The following CDH13 variants were observed in gnomAD, a reference collection of about 807,000 sequenced individuals.
CDH13 encodes cadherin 13.
Under a neutral mutation model 63.8 loss-of-function variants are expected in CDH13, and 24 were observed. The ratio of observed to expected loss-of-function variants is 0.38; its 90% CI spans 0.27 to 0.53. The LOEUF is 0.53. Among genes scored for constraint, CDH13 ranks in the 20% least tolerant of loss-of-function variants. CDH13 has a pLI of 0.85. For missense variants in CDH13, 1,049 were observed against 903.1 expected, an observed-to-expected ratio of 1.16 and a Z score of -2.07; for synonymous variants, 503 against 355.3, an observed-to-expected ratio of 1.42 and a Z score of -4.67.
At chr16:83,713,876 C>A (rs1328502751) in intron 10 of CDH13, among the ~76,000 whole-genome samples, 1 of 152,310 alleles carries the variant, frequency 6.6e-6, no homozygotes, top group South Asian at 2.1e-4. Flanking sequence ...TCCTCATTGT[C>A]AACATTACTC....
intron 4 of CDH13, among the ~76,000 whole-genome samples, chr16:83,146,954 G>A (rs1244628426): frequency 6.6e-6 from 1 of 152,036 alleles, no homozygotes; most frequent in Non-Finnish European, 1.5e-5. Context: ...CTGGTGTGGT[G>A]GCACACACTT....
chr16:83,196,900 A>G (rs2038894077), intron 4 of CDH13, among the ~76,000 whole-genome samples: 1 of 152,204 alleles, frequency 6.6e-6, no homozygotes, highest in South Asian at 2.1e-4. Flanking sequence ...ATAAAACTAG[A>G]CACGCACTTA....
intron 5 of CDH13, among the ~76,000 whole-genome samples, chr16:83,280,416 A>G (rs1228772048): frequency 2.0e-5 from 3 of 152,212 alleles, no homozygotes; most frequent in African/African-American, 7.2e-5. Flanking sequence ...ATTCATTCAC[A>G]TCTTCAAGCC....
intron 6 of CDH13, among the ~76,000 whole-genome samples, chr16:83,391,823 G>A (rs567983998): frequency 1.3e-5 from 2 of 152,306 alleles, no homozygotes; most frequent in Admixed American, 1.3e-4. Context: ...TTGACACAGG[G>A]TCTGCATTGT....
chr16:83,202,418 G>T (rs960575091), intron 4 of CDH13, among the ~76,000 whole-genome samples: 1 of 152,088 alleles, frequency 6.6e-6, no homozygotes, highest in Non-Finnish European at 1.5e-5. Context: ...ATGGGGTGGG[G>T]GGCCCTGGAA....
chr16:82,700,974 C>CCCCCCG (rs1491560033), intron 1 of CDH13, among the ~76,000 whole-genome samples: 2 of 39,656 alleles, frequency 5.0e-5, no homozygotes, highest in Non-Finnish European at 1.4e-4. Context: ...CCCCCCCCCC[C>CCCCCCG]GCCCCGGGCA....
intron 1 of CDH13, among the ~76,000 whole-genome samples, chr16:82,690,018 A>AAAAAAAT (rs1915481981): frequency 6.9e-6 from 1 of 145,112 alleles, no homozygotes; most frequent in Non-Finnish European, 1.5e-5. Context: ...AAAAAAAAAA[A>AAAAAAAT]TTAGCCAGGC....
At chr16:82,951,472 G>A (rs779439986) in intron 2 of CDH13, among the ~76,000 whole-genome samples, 2 of 152,178 alleles carry the variant, frequency 1.3e-5, no homozygotes, top group African/African-American at 2.4e-5. Context: ...CCAAGCCGAG[G>A]ACACAGCTCA....
rs189942732 is a variant in CDH13, at chr16:83,735,057, G to A, written c.1539-13051G>A. On this transcript the variant is annotated intron_variant, in intron 10 of 13. Transcript: ENST00000567109. The stretch of plus-strand genomic sequence containing the variant: ...GGGACAATTTGATCACTTTATTTTG[G>A]AGAAAAAAATGATGAATAGAAGTTT... 6.2e-3 allele frequency among the ~76,000 whole-genome samples: 944 copies of A among 151,152 alleles called. 3 individuals carry two copies. The highest frequency in any genetic ancestry group is 0.011 in the Admixed American group (167 of 15,200).
At chr16:83,042,147 C>A (rs767420195) in intron 3 of CDH13, among the ~76,000 whole-genome samples, 1 of 152,142 alleles carries the variant, frequency 6.6e-6, no homozygotes, top group Non-Finnish European at 1.5e-5. Flanking sequence ...TACTTTATTT[C>A]TTTAAAACAA....
chr16:83,196,170 C>T (rs572118975), intron 4 of CDH13, among the ~76,000 whole-genome samples: 1 of 152,198 alleles, frequency 6.6e-6, no homozygotes, highest in Middle Eastern at 3.4e-3. Context: ...GCAGGAGAAT[C>T]ACTTGAACCC....
intron 3 of CDH13, among the ~76,000 whole-genome samples, chr16:83,103,501 C>T (rs1039029864): frequency 9.2e-5 from 14 of 152,130 alleles, no homozygotes; most frequent in African/African-American, 3.4e-4. Flanking sequence ...CCACCTCGGC[C>T]TCCCAAAGTA....
chr16:83,602,744 C>A, intron 8 of CDH13, 150 bp downstream of exon 8: 1 of 837,468 alleles, frequency 1.2e-6, no homozygotes, highest in South Asian at 1.6e-5. Context: ...TGCTGGAATT[C>A]TTTCTCACAT....
intron 4 of CDH13, among the ~76,000 whole-genome samples, chr16:83,206,906 A>G (rs1013850604): frequency 6.7e-6 from 1 of 150,178 alleles, no homozygotes; most frequent in Non-Finnish European, 1.5e-5. Flanking sequence ...CATTCAAACC[A>G]CAGTAGGTTA....
intron 1 of CDH13, among the ~76,000 whole-genome samples, chr16:82,724,717 G>T (rs1038111186): frequency 1.3e-5 from 2 of 152,166 alleles, no homozygotes; most frequent in Non-Finnish European, 2.9e-5. Context: ...GTGCAAAGTA[G>T]CTGAGAGAAT....
intron 6 of CDH13, among the ~76,000 whole-genome samples, chr16:83,466,785 A>G (rs902017): frequency 1 from 152,062 of 152,342 alleles, 75,892 homozygotes; most frequent in Non-Finnish European, 1. Context: ...CTGTTATCAG[A>G]TGCATTTACC....
intron 3 of CDH13, among the ~76,000 whole-genome samples, chr16:83,090,286 C>G (rs764770802): frequency 6.6e-5 from 10 of 152,038 alleles, no homozygotes; most frequent in Non-Finnish European, 1.5e-4. Flanking sequence ...CCAAGCCATT[C>G]GTTTGTGGGC....
At chr16:82,739,006 C>A (rs2033811014) in intron 1 of CDH13, among the ~76,000 whole-genome samples, 1 of 152,194 alleles carries the variant, frequency 6.6e-6, no homozygotes, top group East Asian at 1.9e-4. Flanking sequence ...TTCAAAGAAG[C>A]AGTGAGCAAG....
At chr16:82,706,737 G>A (rs935520231) in intron 1 of CDH13, among the ~76,000 whole-genome samples, 2 of 152,022 alleles carry the variant, frequency 1.3e-5, no homozygotes, top group African/African-American at 4.8e-5. Flanking sequence ...CCAGGAGACG[G>A]AGGTTGCGGT....
Sources: gnomAD v4.1 joint callset for allele counts (sites outside exome capture counted in the v4.1 genomes callset) on GRCh38, gnomAD v4.1.1 for gene constraint, MANE v1.5 for transcripts, NCBI Gene and HGNC (gene_info 2026-07-23, HGNC 2026-07-21) for gene names.